The following CHD2 variants were observed in gnomAD, a reference collection of about 807,000 sequenced individuals.
The protein encoded by CHD2 is chromodomain helicase DNA binding protein 2.
In CHD2, 28 loss-of-function variants were observed where a neutral mutation model predicts 243.9. That is an observed-to-expected ratio of 0.11 (90% CI 0.09 to 0.16). CHD2 has a LOEUF of 0.16. CHD2 is among the 10% of genes least tolerant of loss of function. The pLI, the probability that CHD2 is intolerant of heterozygous loss-of-function variation, is 1.00. For synonymous variants in CHD2, 775 were observed against 779.0 expected (o/e 0.99, Z 0.09); for missense variants, 1,386 against 2,209.8 (o/e 0.63, Z 7.47).
chr15:92,938,532 C>G (rs777443165), intron 6 of CHD2, among the ~76,000 whole-genome samples: 2 of 152,306 alleles, frequency 1.3e-5, no homozygotes, highest in Non-Finnish European at 2.9e-5. Flanking sequence ...TACTTACCCC[C>G]CAACACCAGC....
At position 92,998,956 on chromosome 15, in the gene CHD2, C is replaced by T. The variant is rs958607332; in HGVS notation, c.4008+335C>T. 1.3e-5 allele frequency among the ~76,000 whole-genome samples: 2 copies of T among 151,762 alleles called. No homozygotes were observed. The highest frequency in any genetic ancestry group is 2.9e-5 in the Non-Finnish European group (2 of 67,948). ...AAAATTAGCCGGGCGTGGTGGCACA[C>T]GCCTGTAATCCCAGCTACTTAGGAG... is the stretch of plus-strand genomic sequence containing the variant. On this transcript the variant is annotated intron_variant, in intron 31 of 38. Transcript: ENST00000394196. The surrounding 1 kb of genome is among the most constrained non-coding windows in gnomAD (Gnocchi z 5.1).
rs190429710 is a variant in CHD2 at position 93,016,265 on chromosome 15, A to G, written c.4906+1356A>G. Among the ~76,000 whole-genome samples the G allele has an allele frequency of 1.8e-3, 279 of 152,348 alleles. 1 individual carries two copies. Among genetic ancestry groups the G allele is most frequent in the Middle Eastern group, 6.8e-3 (2 of 294 alleles). Reference sequence around the variant, plus strand: ...AAATAAGTGAGGCACAGAAAGAGAAAAACTGCATATTCTCACTTACGTATG... The same window carrying G: ...AAATAAGTGAGGCACAGAAAGAGAAGAACTGCATATTCTCACTTACGTATG... On this transcript the variant is annotated intron_variant, in intron 37 of 38. Coordinates refer to ENST00000394196, the MANE Select transcript of CHD2 (RefSeq NM_001271.4).
intron 5 of CHD2, among the ~76,000 whole-genome samples, chr15:92,933,516 ACT>A (rs1205752632): frequency 1.3e-5 from 2 of 151,012 alleles, no homozygotes; most frequent in East Asian, 3.9e-4. Context: ...TTTTGATTAA[ACT>A]CTTTTTTTCA....
At position 92,998,459 on chromosome 15, in the gene CHD2, G is replaced by T. The variant is rs1475531748; in HGVS notation, c.3886-40G>T. ...TTTATCCTGATCCACTAACCAGGAT[G>T]TGGGTGGTGGCGGGTGCTTCTCTTC... On this transcript the variant is annotated intron_variant, in intron 30 of 38. Coordinates refer to ENST00000394196, the MANE Select transcript of CHD2 (RefSeq NM_001271.4). This position sits in a 1 kb window ranked among gnomAD's most constrained non-coding sequence, Gnocchi z 5.1. The T allele has an allele frequency of 6.2e-7, 1 of 1,612,546 alleles. No individual in the cohort carries two copies. Among genetic ancestry groups the T allele is most frequent in the African/African-American group, 1.3e-5 (1 of 75,032 alleles).
At chr15:92,942,032 G>A (rs1258372676) in intron 8 of CHD2, 77 bp downstream of exon 8, 2 of 1,406,994 alleles carry the variant, frequency 1.4e-6, no homozygotes, top group African/African-American at 1.4e-5. Flanking sequence ...TAACTCTAAT[G>A]TGATGAATTT....
intron 9 of CHD2, 68 bp downstream of exon 9, chr15:92,943,136 T>C (rs1350890073): frequency 1.1e-5 from 13 of 1,212,010 alleles, no homozygotes; most frequent in Middle Eastern, 1.9e-4. Flanking sequence ...TTTAAAATAA[T>C]GCATGGAGAT....
chr15:92,946,341 G>A (rs77773700), intron 12 of CHD2, 125 bp downstream of exon 12: 2 of 728,544 alleles, frequency 2.7e-6, no homozygotes, highest in Admixed American at 3.5e-5. Context: ...GTGAAAGAAG[G>A]TGATTTAAAT....
chr15:92,958,580 G>T (rs1314537657), intron 16 of CHD2, among the ~76,000 whole-genome samples: 1 of 152,098 alleles, frequency 6.6e-6, no homozygotes, highest in Non-Finnish European at 1.5e-5. Context: ...TGGATTGTTT[G>T]TCTTATTATG....
intron 17 of CHD2, 46 bp downstream of exon 17, chr15:92,967,559 C>A: frequency 2.2e-6 from 3 of 1,392,910 alleles, no homozygotes; most frequent in South Asian, 2.5e-5. Flanking sequence ...AGATCAGTAC[C>A]ATGAAACTAT....
chr15:92,993,091 AC>A, intron 28 of CHD2, 93 bp downstream of exon 28: 1 of 1,299,976 alleles, frequency 7.7e-7, no homozygotes, highest in Non-Finnish European at 1.1e-6. Flanking sequence ...AGGCTTGAGG[AC>A]CACACATGCC....
At chr15:92,901,996 T>C (rs961964034) in intron 2 of CHD2, 20 of 386,550 alleles carry the variant, frequency 5.2e-5, no homozygotes, top group African/African-American at 4.1e-4. Flanking sequence ...ATACTCTTAA[T>C]ATATACTTCT....
chr15:93,009,365 G>A (rs1244803538), intron 35 of CHD2, 42 bp downstream of exon 35: 8 of 1,567,228 alleles, frequency 5.1e-6, no homozygotes, highest in South Asian at 1.1e-5. Flanking sequence ...ATTTGACTGA[G>A]TGTGGGAGTG....
At position 93,010,895 on chromosome 15, in the gene CHD2, A is replaced by C. The variant is rs968210146; in HGVS notation, c.4593-1450A>C. Among the ~76,000 whole-genome samples the C allele has an allele frequency of 5.3e-5, 8 of 152,348 alleles. No homozygotes were observed. The East Asian group carries it at 1.5e-3, about 29-fold the overall frequency. ...TGGATAATGTGATTATCTTTGTATA[A>C]TATGTCCAATCTCAGAGGACTGGTT... On this transcript the variant is annotated intron_variant, in intron 35 of 38. Transcript: ENST00000394196.
At chr15:93,020,291 A>C (rs568722021) in intron 38 of CHD2, 33 bp downstream of exon 38, 4 of 1,613,574 alleles carry the variant, frequency 2.5e-6, no homozygotes, top group African/African-American at 1.3e-5. Context: ...CCAGGTGCCA[A>C]CCTTTGCCAG....
chr15:93,015,894 G>A (rs902418874), intron 37 of CHD2, among the ~76,000 whole-genome samples: 3 of 152,190 alleles, frequency 2.0e-5, no homozygotes, highest in South Asian at 2.1e-4. Flanking sequence ...GGAACCCAGC[G>A]CATTGTTGCT....
In CHD2 at chr15:93,024,467, C is replaced by T. The variant is rs754903291; in HGVS notation, c.5249C>T (p.Ala1750Val). The T allele has an allele frequency of 6.2e-7, 1 of 1,614,204 alleles. No homozygotes were observed. Among genetic ancestry groups the T allele is most frequent in the Non-Finnish European group, 8.5e-7 (1 of 1,180,032 alleles). The change falls in exon 39 of 39, where the codon GCT becomes GTT. Residue 1750 changes from alanine to valine, a missense_variant. Ala to Val is a moderately conservative substitution (Grantham distance 64, BLOSUM62 0). Transcript: ENST00000394196. ...CGACGAATGTCTGATCACCGCCCCG[C>T]TATGGGCTACCATGGCCAGGGACCC... ...DFRRMSDHRPAMGYHGQGPSD... is the reference protein window; with the variant it reads ...DFRRMSDHRPVMGYHGQGPSD...
intron 2 of CHD2, among the ~76,000 whole-genome samples, chr15:92,921,686 G>T (rs1197932977): frequency 6.6e-6 from 1 of 152,152 alleles, no homozygotes; most frequent in Non-Finnish European, 1.5e-5. Flanking sequence ...TCTCAGCTTG[G>T]ATGTGATATG....
chr15:92,929,168 G>C (rs1313028046), intron 5 of CHD2, 77 bp downstream of exon 5: 2 of 1,365,292 alleles, frequency 1.5e-6, no homozygotes, highest in African/African-American at 2.9e-5. Flanking sequence ...CCTTCGTTGT[G>C]TCTTTAGTCT....
At chr15:93,024,169 C>T (rs2054566072) in intron 38 of CHD2, among the ~76,000 whole-genome samples, 2 of 150,132 alleles carry the variant, frequency 1.3e-5, no homozygotes, top group Admixed American at 1.3e-4. Flanking sequence ...GTACTTGTGT[C>T]ACTGCACACT....
Sources: allele counts gnomAD v4.1 joint callset (sites outside exome capture counted in the v4.1 genomes callset), GRCh38; gene constraint gnomAD v4.1.1; non-coding constraint Gnocchi (gnomAD v3.1); transcripts MANE v1.5; gene names NCBI Gene and HGNC (gene_info 2026-07-23, HGNC 2026-07-21).